Variants in ABTB3 observed in about 807,000 individuals in gnomAD.
ABTB3 encodes the protein ankyrin repeat and BTB domain containing 3.
At chr12:107,593,441 T>G in the ABTB3 span, among the ~76,000 whole-genome samples, 1 of 152,214 alleles carries the variant, frequency 6.6e-6, no homozygotes, top group Non-Finnish European at 1.5e-5. Flanking sequence ...GGTTTGTTTA[T>G]TGGTGAAAAC....
the ABTB3 span, among the ~76,000 whole-genome samples, chr12:107,320,828 C>G: frequency 6.6e-6 from 1 of 151,770 alleles, no homozygotes; most frequent in Non-Finnish European, 1.5e-5. Flanking sequence ...GCTGAAGGAG[C>G]GCCTCTGGGG....
chr12:107,488,746 A>G, the ABTB3 span, among the ~76,000 whole-genome samples: 1 of 151,968 alleles, frequency 6.6e-6, no homozygotes, highest in Non-Finnish European at 1.5e-5. Flanking sequence ...TGGTACATTC[A>G]TATCATTGTG....
the ABTB3 span, among the ~76,000 whole-genome samples, chr12:107,410,265 G>T: frequency 1.3e-5 from 2 of 151,354 alleles, no homozygotes; most frequent in Non-Finnish European, 2.9e-5. Flanking sequence ...GCTAAGGAAC[G>T]GGGGCAGAGT....
chr12:107,352,717 C>G, the ABTB3 span, among the ~76,000 whole-genome samples: 1 of 152,030 alleles, frequency 6.6e-6, no homozygotes, highest in African/African-American at 2.4e-5. Flanking sequence ...GTTTTTCAGC[C>G]TCTTCTCTGG....
chr12:107,339,092 A>G, the ABTB3 span, among the ~76,000 whole-genome samples: 1 of 152,230 alleles, frequency 6.6e-6, no homozygotes, highest in African/African-American at 2.4e-5. Flanking sequence ...CTTGTAGATT[A>G]TCTGCACTCT....
At chr12:107,610,199 C>T in the ABTB3 span, 1 of 1,614,232 alleles carries the variant, frequency 6.2e-7, no homozygotes, top group East Asian at 2.2e-5. Flanking sequence ...GGGCCGACGA[C>T]TGCTTTTGTG....
the ABTB3 span, among the ~76,000 whole-genome samples, chr12:107,432,845 C>T: frequency 2.0e-5 from 3 of 152,154 alleles, no homozygotes; most frequent in Non-Finnish European, 2.9e-5. Context: ...TTCTAAGGCA[C>T]GTTTCAATTT....
the ABTB3 span, among the ~76,000 whole-genome samples, chr12:107,348,796 A>G: frequency 6.6e-6 from 1 of 152,172 alleles, no homozygotes; most frequent in African/African-American, 2.4e-5. Flanking sequence ...GAAATATGGA[A>G]GGCGATTTCA....
chr12:107,454,850 A>T, the ABTB3 span, among the ~76,000 whole-genome samples: 4 of 152,214 alleles, frequency 2.6e-5, no homozygotes, highest in East Asian at 7.7e-4. Context: ...GAAAATAATA[A>T]TAACAAATGG....
the ABTB3 span, among the ~76,000 whole-genome samples, chr12:107,656,792 C>T: frequency 6.6e-6 from 1 of 152,194 alleles, no homozygotes. Context: ...ATAGGCAACT[C>T]GGAGCCTCAG....
the ABTB3 span, among the ~76,000 whole-genome samples, chr12:107,635,850 A>ACCCCCCCCCCCCCCCCCCCCCC: frequency 3.5e-5 from 2 of 56,616 alleles, no homozygotes; most frequent in Admixed American, 2.4e-4. Flanking sequence ...GGGAGGAACA[A>ACCCCCCCCCCCCCCCCCCCCCC]CCCCCCCCCC....
At chr12:107,342,123 G>A in the ABTB3 span, among the ~76,000 whole-genome samples, 1 of 152,148 alleles carries the variant, frequency 6.6e-6, no homozygotes, top group African/African-American at 2.4e-5. Context: ...TAGAATTTTT[G>A]ACTTCTTGGT....
chr12:107,635,135 AC>A, the ABTB3 span: 2 of 626,448 alleles, frequency 3.2e-6, no homozygotes, highest in Non-Finnish European at 5.4e-6. Flanking sequence ...ATGAATGCAA[AC>A]GACTTCTGTG....
At chr12:107,479,495 A>G in the ABTB3 span, among the ~76,000 whole-genome samples, 1 of 152,052 alleles carries the variant, frequency 6.6e-6, no homozygotes, top group Non-Finnish European at 1.5e-5. Flanking sequence ...TATAGAGCTA[A>G]TGCTTGTAAA....
chr12:107,621,086 C>T, the ABTB3 span, among the ~76,000 whole-genome samples: 1 of 152,318 alleles, frequency 6.6e-6, no homozygotes, highest in Admixed American at 6.5e-5. Flanking sequence ...CTCCACACAG[C>T]AGGGATGGCC....
chr12:107,560,038 T>C, the ABTB3 span, among the ~76,000 whole-genome samples: 1 of 152,200 alleles, frequency 6.6e-6, no homozygotes, highest in African/African-American at 2.4e-5. Context: ...ATAGTTACAC[T>C]GTGTATATAT....
At chr12:107,498,954 C>G in the ABTB3 span, among the ~76,000 whole-genome samples, 1 of 152,198 alleles carries the variant, frequency 6.6e-6, no homozygotes, top group Non-Finnish European at 1.5e-5. Flanking sequence ...TGGAAGTAGC[C>G]ATTATCCAGA....
At chr12:107,388,399 T>C in the ABTB3 span, among the ~76,000 whole-genome samples, 1 of 151,666 alleles carries the variant, frequency 6.6e-6, no homozygotes, top group Non-Finnish European at 1.5e-5. Context: ...TGCCTCCTTC[T>C]TCTTTTCCTC....
At chr12:107,464,559 C>T in the ABTB3 span, among the ~76,000 whole-genome samples, 2 of 152,114 alleles carry the variant, frequency 1.3e-5, no homozygotes, top group African/African-American at 4.8e-5. Context: ...AATTCTTCTG[C>T]CTTGGCCTCC....
Sources: allele counts gnomAD v4.1 joint callset (sites outside exome capture counted in the v4.1 genomes callset), GRCh38; gene constraint gnomAD v4.1.1; transcripts MANE v1.5; gene names NCBI Gene and HGNC (gene_info 2026-07-23, HGNC 2026-07-21).